The following MCTP2 variants were observed in gnomAD, a reference collection of about 807,000 sequenced individuals.
MCTP2 encodes the protein multiple C2 and transmembrane domain containing 2.
A neutral mutation model predicts 111.6 loss-of-function variants in MCTP2; 132 were observed. The ratio of observed to expected loss-of-function variants is 1.18; its 90% CI spans 1.03 to 1.37. The LOEUF is 1.37. Among genes scored for constraint, MCTP2 ranks in the 40% most tolerant of loss-of-function variants. MCTP2 has a pLI of 0.00. For missense variants in MCTP2, 1,183 were observed against 1,067.9 expected (o/e 1.11, Z -1.50); for synonymous variants, 395 against 387.7 (o/e 1.02, Z -0.22).
At chr15:94,363,046 A>C (rs1361158796) in intron 10 of MCTP2, among the ~76,000 whole-genome samples, 2 of 152,208 alleles carry the variant, frequency 1.3e-5, no homozygotes, top group Non-Finnish European at 2.9e-5. Context: ...ATTTATTTCA[A>C]TTCCTTTCCT....
intron 1 of MCTP2, among the ~76,000 whole-genome samples, chr15:94,265,794 T>C (rs2073485709): frequency 6.6e-6 from 1 of 152,170 alleles, no homozygotes; most frequent in Admixed American, 6.5e-5. Context: ...TTTGAAAACT[T>C]AGAAAGTAGA....
Position 94,243,338 on chromosome 15 carries a change from CGTATGTACATACATACGTATGCGTAT to C in MCTP2, c.-66+11675_-66+11700del, listed in dbSNP as rs1567251138. Among the ~76,000 whole-genome samples the C allele has an allele frequency of 1.2e-3, 166 of 140,958 alleles. 7 individuals are homozygous for C. The highest frequency in any genetic ancestry group is 5.0e-3 in the East Asian group (23 of 4,594). 92.5% of individuals were successfully genotyped at this position (140,958 alleles called of 152,430 possible). A position where few individuals can be genotyped will look rare whatever the true frequency, so the allele number is the denominator to read the frequency against. On this transcript the variant is annotated intron_variant, in intron 1 of 22. Transcript: ENST00000357742. The stretch of plus-strand genomic sequence containing the variant: ...ATGCGTACATACGTATGCGTATATG[CGTATGTACATACATACGTATGCGTAT>C]ATGCGTATGTACATACATACGTATG...
intron 17 of MCTP2, among the ~76,000 whole-genome samples, chr15:94,418,283 G>C (rs983349833): frequency 1.3e-5 from 2 of 152,050 alleles, no homozygotes; most frequent in African/African-American, 2.4e-5. Flanking sequence ...CAAAAATTAC[G>C]CTTCTGAAAT....
At chr15:94,305,498 T>A (rs1379565153) in intron 2 of MCTP2, among the ~76,000 whole-genome samples, 2 of 152,122 alleles carry the variant, frequency 1.3e-5, no homozygotes, top group Non-Finnish European at 2.9e-5. Flanking sequence ...TATATATATA[T>A]GTATGGGAGT....
intron 1 of MCTP2, among the ~76,000 whole-genome samples, chr15:94,271,839 G>A (rs1054069504): frequency 2.0e-5 from 3 of 152,118 alleles, no homozygotes; most frequent in African/African-American, 7.2e-5. Flanking sequence ...TATGCATAAA[G>A]TTTCTGTTGT....
chr15:94,328,855 T>C (rs956345256), intron 4 of MCTP2, among the ~76,000 whole-genome samples: 4 of 152,190 alleles, frequency 2.6e-5, no homozygotes, highest in Non-Finnish European at 5.9e-5. Flanking sequence ...GACTTGGCTA[T>C]TGGGGTCCTA....
intron 2 of MCTP2, among the ~76,000 whole-genome samples, chr15:94,304,639 C>T (rs2075798173): frequency 1.3e-5 from 2 of 152,130 alleles, no homozygotes; most frequent in African/African-American, 4.8e-5. Context: ...GGAGAAGTCA[C>T]ATGAGAATCA....
intron 17 of MCTP2, among the ~76,000 whole-genome samples, chr15:94,417,496 A>G (rs1317176906): frequency 1.3e-5 from 2 of 152,044 alleles, no homozygotes; most frequent in Non-Finnish European, 2.9e-5. Context: ...AGATTGTTTG[A>G]GTGAGTACAC....
At chr15:94,440,554 G>T (rs1314148975) in intron 18 of MCTP2, among the ~76,000 whole-genome samples, 1 of 152,192 alleles carries the variant, frequency 6.6e-6, no homozygotes, top group Admixed American at 6.5e-5. Context: ...CATGCTGGTA[G>T]CACATGTCTG....
chr15:94,315,731 C>A, intron 4 of MCTP2, 94 bp downstream of exon 4: 1 of 902,048 alleles, frequency 1.1e-6, no homozygotes, highest in Non-Finnish European at 1.8e-6. Flanking sequence ...GACATCACAG[C>A]ATGGTTTAGG....
chr15:94,455,446 T>C (rs1183780862), intron 19 of MCTP2, among the ~76,000 whole-genome samples: 3 of 141,586 alleles, frequency 2.1e-5, no homozygotes, highest in Non-Finnish European at 4.6e-5. Context: ...CTTTCTGTTG[T>C]TTTTTTTTTT....
intron 12 of MCTP2, among the ~76,000 whole-genome samples, chr15:94,373,038 A>T (rs980925584): frequency 6.6e-5 from 10 of 152,212 alleles, no homozygotes; most frequent in African/African-American, 2.4e-4. Context: ...GTCCATACGG[A>T]GGTTATAGTT....
In MCTP2 at chr15:94,268,522, T is replaced by G. The variant is rs188817959; in HGVS notation, c.-65-29679T>G. On this transcript the variant is annotated intron_variant, in intron 1 of 22. Transcript: ENST00000357742. ...CCTTTTCTTCTTTTTCAATCTTTATTTTGTTGTCCTTCTCGTTTTCTTGGG... is the reference window on the plus strand; with the variant it reads ...CCTTTTCTTCTTTTTCAATCTTTATGTTGTTGTCCTTCTCGTTTTCTTGGG... Among the ~76,000 whole-genome samples the G allele has an allele frequency of 2.4e-4, 36 of 152,196 alleles. No individual in the cohort carries two copies. The East Asian group carries it at 6.6e-3, about 28-fold the overall frequency.
chr15:94,390,072 A>ATGTATATATATATG (rs1555464846), intron 14 of MCTP2, among the ~76,000 whole-genome samples: 2 of 16,646 alleles, frequency 1.2e-4, no homozygotes, highest in East Asian at 3.2e-3. Context: ...ATATATATAT[A>ATGTATATATATATG]TATATATATA....
intron 20 of MCTP2, among the ~76,000 whole-genome samples, chr15:94,466,779 GTATTATATTTT>G (rs1453112319): frequency 4.0e-5 from 6 of 151,674 alleles, no homozygotes; most frequent in Non-Finnish European, 8.8e-5. Flanking sequence ...TTTTTACAGT[GTATTATATTTT>G]TATTTTCATG....
At chr15:94,385,240 A>G (rs1161426455) in intron 13 of MCTP2, among the ~76,000 whole-genome samples, 183 bp from the exon 14 acceptor site, 2 of 152,142 alleles carry the variant, frequency 1.3e-5, no homozygotes, top group Non-Finnish European at 2.9e-5. Context: ...GGATGTCTGA[A>G]TCTTCTATGA....
At chr15:94,308,870 T>G (rs1329789282) in intron 2 of MCTP2, among the ~76,000 whole-genome samples, 21 of 152,232 alleles carry the variant, frequency 1.4e-4, no homozygotes, top group Admixed American at 1.4e-3. Flanking sequence ...CGGGCTGGAT[T>G]TGTCTCATGG....
Position 94,479,187 on chromosome 15 carries a change from A to G in MCTP2, c.*153A>G. On this transcript the variant is annotated 3_prime_UTR_variant, in exon 23 of 23. Coordinates refer to ENST00000357742, the MANE Select transcript of MCTP2 (RefSeq NM_001385001.1). ...TTCCTCCTCCTTCACGTGCACAGAC[A>G]TACACACATGTGCACACACCCTCAT... 1.4e-6 allele frequency: 1 copy of G among 721,304 alleles called. No individual in the cohort carries two copies. The highest frequency in any genetic ancestry group is 2.5e-6 in the Non-Finnish European group (1 of 407,428). 44.7% of individuals were successfully genotyped at this position (721,304 alleles called of 1,614,324 possible).
At chr15:94,384,435 G>A (rs1232465429) in intron 13 of MCTP2, among the ~76,000 whole-genome samples, 4 of 152,122 alleles carry the variant, frequency 2.6e-5, no homozygotes, top group Admixed American at 6.5e-5. Context: ...ATGGAGACCT[G>A]CCTTAAATTC....
Sources: gnomAD v4.1 joint callset for allele counts (sites outside exome capture counted in the v4.1 genomes callset) on GRCh38, gnomAD v4.1.1 for gene constraint, MANE v1.5 for transcripts, NCBI Gene and HGNC (gene_info 2026-07-23, HGNC 2026-07-21) for gene names.